APELA: variants seen among roughly 807,000 people sequenced by gnomAD.
The protein encoded by APELA is apelin receptor early endogenous ligand, also known as protein Elabela.
chr4:164,889,055 G>A (rs762604419), intron 2 of APELA, among the ~76,000 whole-genome samples: 3 of 151,960 alleles, frequency 2.0e-5, no homozygotes, highest in Non-Finnish European at 4.4e-5. Flanking sequence ...CCAGGCTGGA[G>A]TGCAATGACG....
At chr4:164,878,196 A>AAAGAAAGAAAGAAAG (rs1553970695) in intron 1 of APELA, among the ~76,000 whole-genome samples, 1 of 143,382 alleles carries the variant, frequency 7.0e-6, no homozygotes, top group African/African-American at 2.6e-5. Context: ...AGAAACAGAA[A>AAAGAAAGAAAGAAAG]AAAGAAAGAA....
intron 2 of APELA, among the ~76,000 whole-genome samples, chr4:164,883,426 C>T (rs1168873890): frequency 1.3e-5 from 2 of 152,026 alleles, no homozygotes; most frequent in Non-Finnish European, 2.9e-5. Context: ...CAACCTCGCC[C>T]TCAAACTACA....
At chr4:164,892,700 C>A (rs1394484678) in intron 2 of APELA, among the ~76,000 whole-genome samples, 1 of 152,116 alleles carries the variant, frequency 6.6e-6, no homozygotes, top group Non-Finnish European at 1.5e-5. Flanking sequence ...ACTAATTATT[C>A]TTTAATTCAT....
chr4:164,879,498 G>A (rs1381328661), intron 2 of APELA, among the ~76,000 whole-genome samples: 1 of 152,092 alleles, frequency 6.6e-6, no homozygotes, highest in Non-Finnish European at 1.5e-5. Flanking sequence ...AGGCTGGAGT[G>A]TAATGATGTG....
chr4:164,894,859 G>A (rs973547584), intron 2 of APELA, among the ~76,000 whole-genome samples: 1 of 152,148 alleles, frequency 6.6e-6, no homozygotes, highest in Non-Finnish European at 1.5e-5. Flanking sequence ...TAGGCAATCC[G>A]AGTTGAGAGA....
intron 2 of APELA, among the ~76,000 whole-genome samples, chr4:164,884,875 A>G (rs1306650330): frequency 9.2e-5 from 14 of 151,972 alleles, no homozygotes; most frequent in Non-Finnish European, 1.9e-4. Context: ...TCTCAGTATC[A>G]TTCATCCTTT....
chr4:164,877,566 T>C (rs1303025809), intron 1 of APELA, among the ~76,000 whole-genome samples, 159 bp downstream of exon 1: 2 of 152,212 alleles, frequency 1.3e-5, no homozygotes, highest in African/African-American at 2.4e-5. Flanking sequence ...CTATCTATCC[T>C]GTTGGGTCTA....
chr4:164,882,178 A>G (rs1730665180), intron 2 of APELA, among the ~76,000 whole-genome samples: 1 of 151,988 alleles, frequency 6.6e-6, no homozygotes, highest in African/African-American at 2.4e-5. Flanking sequence ...ATCTCGGCTC[A>G]CCGGAGCCTC....
chr4:164,892,068 C>T (rs1418261657), intron 2 of APELA, among the ~76,000 whole-genome samples: 9 of 151,980 alleles, frequency 5.9e-5, no homozygotes, highest in African/African-American at 1.9e-4. Flanking sequence ...TCCAGCACTT[C>T]GGGAGGCTGA....
chr4:164,882,752 C>G (rs1055728673), intron 2 of APELA, among the ~76,000 whole-genome samples: 7 of 152,030 alleles, frequency 4.6e-5, no homozygotes, highest in African/African-American at 1.7e-4. Context: ...CCCACTCCCC[C>G]CACCCCACAA....
chr4:164,898,502 CAAAA>C (rs371909619), downstream of APELA, among the ~76,000 whole-genome samples: 708 of 89,560 alleles, frequency 7.9e-3, 10 homozygotes, highest in African/African-American at 0.022. Flanking sequence ...AACTCTGCCT[CAAAA>C]AAAAAAAAAA....
intron 2 of APELA, among the ~76,000 whole-genome samples, chr4:164,882,048 T>C (rs948242813): frequency 1.3e-5 from 2 of 152,086 alleles, no homozygotes; most frequent in African/African-American, 4.8e-5. Context: ...ACTTAATATG[T>C]ACTCTAGATA....
chr4:164,879,171 T>A (rs113561160), intron 2 of APELA, 162 bp downstream of exon 2: 164 of 392,306 alleles, frequency 4.2e-4, no homozygotes, highest in African/African-American at 2.8e-3. Context: ...ATGAATGACA[T>A]GACTTTTGAG....
At position 164,882,788 on chromosome 4, in the gene APELA, T is replaced by C. The variant is rs183204343; in HGVS notation, c.*1+3779T>C. 3.6e-3 allele frequency among the ~76,000 whole-genome samples: 537 copies of C among 151,230 alleles called. 2 individuals carry two copies. The highest frequency in any genetic ancestry group is 0.012 in the African/African-American group (510 of 41,368). On this transcript the variant is annotated intron_variant, in intron 2 of 2. Coordinates refer to ENST00000507152, the MANE Select transcript of APELA (RefSeq NM_001297550.2). ...CAGTCCCTGGTGTGTGATGTTCCCC[T>C]TCCTGTGTCCATGGGTTCTCATTGT...
intron 2 of APELA, among the ~76,000 whole-genome samples, chr4:164,892,131 C>G (rs961613466): frequency 4.0e-5 from 6 of 151,822 alleles, no homozygotes; most frequent in Non-Finnish European, 8.8e-5. Context: ...GGCAATATAG[C>G]AAAACCCCAT....
At chr4:164,881,447 C>A (rs1272697959) in intron 2 of APELA, among the ~76,000 whole-genome samples, 2 of 152,150 alleles carry the variant, frequency 1.3e-5, no homozygotes, top group African/African-American at 4.8e-5. Context: ...ATTTTTCCAG[C>A]TCCTAGGGTC....
chr4:164,888,102 G>A (rs1331900338), intron 2 of APELA, among the ~76,000 whole-genome samples: 1 of 152,060 alleles, frequency 6.6e-6, no homozygotes, highest in African/African-American at 2.4e-5. Context: ...ATAATAAAAT[G>A]TATCTCTACT....
intron 2 of APELA, among the ~76,000 whole-genome samples, chr4:164,884,500 A>G (rs907519391): frequency 1.2e-4 from 18 of 152,344 alleles, no homozygotes; most frequent in Non-Finnish European, 2.1e-4. Context: ...ATAATTTGAC[A>G]AACAACACCT....
At chr4:164,888,873 C>CT (rs1400120044) in intron 2 of APELA, among the ~76,000 whole-genome samples, 2 of 152,164 alleles carry the variant, frequency 1.3e-5, no homozygotes, top group Non-Finnish European at 2.9e-5. Context: ...CACTTCAGGG[C>CT]TTTTACACAT....
Sources: allele counts gnomAD v4.1 joint callset (sites outside exome capture counted in the v4.1 genomes callset), GRCh38; gene constraint gnomAD v4.1.1; transcripts MANE v1.5; gene names NCBI Gene and HGNC (gene_info 2026-07-23, HGNC 2026-07-21).